The following TOP3A variants were observed in gnomAD, a reference collection of about 807,000 sequenced individuals.
TOP3A encodes the protein DNA topoisomerase 3-alpha.
TOP3A carries 64 observed loss-of-function variants against 111.3 expected under a neutral mutation model. The ratio of observed to expected loss-of-function variants is 0.57; its 90% CI spans 0.47 to 0.71. The LOEUF (loss-of-function observed/expected upper bound fraction) is 0.71. Among genes scored for constraint, TOP3A ranks in the 30% least tolerant of loss-of-function variants. The pLI, the probability that TOP3A is intolerant of heterozygous loss-of-function variation, is 0.00. For synonymous variants in TOP3A, 484 were observed against 485.1 expected (o/e 1.00, Z 0.03); for missense variants, 1,104 against 1,285.0 (o/e 0.86, Z 2.15).
chr17:18,309,280 C>T (rs962627698), intron 1 of TOP3A, among the ~76,000 whole-genome samples: 6 of 152,146 alleles, frequency 3.9e-5, no homozygotes, highest in Admixed American at 3.3e-4. Flanking sequence ...ATGTAAAATG[C>T]TTTGGCCACT....
In TOP3A at chr17:18,299,734, A is replaced by G. The variant is rs1597978942; in HGVS notation, c.916-101T>C. ...CCAATCCTTCTAGATCACACTGACC[A>G]CCGCCAGCTAAGCCCGCAGTGACAG... On this transcript the variant is annotated intron_variant, in intron 8 of 18. Coordinates refer to ENST00000321105, the MANE Select transcript of TOP3A (RefSeq NM_004618.5). 9.0e-6 allele frequency: 10 copies of G among 1,110,488 alleles called. No homozygotes were observed. The East Asian group carries it at 2.4e-4, about 27-fold the overall frequency. The allele number at this position is 1,110,488 out of a possible 1,614,324, so 68.8% of individuals were successfully genotyped here. A position where few individuals can be genotyped will look rare whatever the true frequency, so the allele number is the denominator to read the frequency against.
At position 18,274,900 on chromosome 17, in the gene TOP3A, TG is replaced by T; in HGVS notation, c.2907del (p.Ser970ValfsTer38). ...GCTGTGGACCCCATGTCTGAGGAAC[TG>T]GCCCGGGGCCTTTTGCTTCTGGCTT... is the stretch of plus-strand genomic sequence containing the variant. ...ESEARSKRPRASSSDMGSTAK... is the reference protein window; with the variant it reads ...ESEARSKRPRXSSSDMGSTAK... On this transcript the variant is annotated frameshift_variant, in exon 19 of 19. Transcript: ENST00000321105. LOFTEE classifies it high-confidence loss of function. 6.2e-7 allele frequency: 1 copy of T among 1,614,212 alleles called. No individual in the cohort carries two copies. The highest frequency in any genetic ancestry group is 8.5e-7 in the Non-Finnish European group (1 of 1,180,040).
chr17:18,278,177 C>T lies in TOP3A; in HGVS notation c.2325G>A (p.Met775Ile). The T allele has an allele frequency of 6.2e-7, 1 of 1,613,944 alleles. No homozygotes were observed. Among genetic ancestry groups the T allele is most frequent in the Non-Finnish European group, 8.5e-7 (1 of 1,179,880 alleles). The change falls in exon 18 of 19, where the codon ATG becomes ATA. Residue 775 changes from methionine to isoleucine, a missense_variant. By Grantham distance (10) the Met-to-Ile change is conservative. Transcript: ENST00000321105. ...CAGGCTGGGGGTGCTGGCTGTTGTC[C>T]ATCCTGTTCAGGGACTGGTTAGCCT... ...RLQANQSLNRMDNSQHPQPAD... is the reference protein window; with the variant it reads ...RLQANQSLNRIDNSQHPQPAD...
intron 13 of TOP3A, among the ~76,000 whole-genome samples, chr17:18,287,002 T>C (rs937271051): frequency 7.2e-5 from 11 of 152,140 alleles, no homozygotes; most frequent in African/African-American, 2.7e-4. Context: ...GAAGCTGGTC[T>C]CGAACTCCTG....
intron 4 of TOP3A, among the ~76,000 whole-genome samples, chr17:18,305,494 G>GCGCGCGCGCA (rs1567750663): frequency 8.5e-6 from 1 of 117,574 alleles, no homozygotes; most frequent in African/African-American, 3.7e-5. Context: ...ACACGCGCGC[G>GCGCGCGCGCA]CGCGCGCGCG....
Position 18,273,593 on chromosome 17 carries a change from A to G in TOP3A, c.*1209T>C, listed in dbSNP as rs563056569. ...TGCAAATGTTCCCCAGACCCTCTGCACTCTCGCAGGTCAGAGTAAAAAAAG... is the reference window on the plus strand; with the variant it reads ...TGCAAATGTTCCCCAGACCCTCTGCGCTCTCGCAGGTCAGAGTAAAAAAAG... On this transcript the variant is annotated 3_prime_UTR_variant, in exon 19 of 19. Transcript: ENST00000321105. 6.6e-6 allele frequency among the ~76,000 whole-genome samples: 1 copy of G among 152,114 alleles called. No homozygotes were observed. The highest frequency in any genetic ancestry group is 2.4e-5 in the African/African-American group (1 of 41,494).
chr17:18,290,441 G>T, intron 13 of TOP3A, 116 bp downstream of exon 13: 1 of 1,191,298 alleles, frequency 8.4e-7, no homozygotes, highest in Non-Finnish European at 1.1e-6. Context: ...ACTATAAAAT[G>T]GGATAAAGAT....
intron 9 of TOP3A, among the ~76,000 whole-genome samples, chr17:18,295,192 G>A (rs1308856067): frequency 1.3e-5 from 2 of 151,770 alleles, no homozygotes; most frequent in South Asian, 2.1e-4. Flanking sequence ...TCGCCCTGTC[G>A]CCTAGGCTGG....
At chr17:18,297,782 C>T (rs1980923399) in intron 9 of TOP3A, among the ~76,000 whole-genome samples, 1 of 152,118 alleles carries the variant, frequency 6.6e-6, no homozygotes, top group South Asian at 2.1e-4. Flanking sequence ...ACAACCTTCA[C>T]CTCCCAGCAG....
rs1980019237 is a variant in TOP3A at position 18,285,304 on chromosome 17, T to C, written c.1715A>G (p.Tyr572Cys). The change falls in exon 15 of 19, where the codon TAT becomes TGT. Residue 572 changes from tyrosine to cysteine, a missense_variant. By Grantham distance (194) the Tyr-to-Cys change is radical (BLOSUM62 -2). Transcript: ENST00000321105. The stretch of plus-strand genomic sequence containing the variant: ...AGACATTTCATAGCCCATGGAATCA[T>C]AACCTGCAGGGAGAGAGTCGAGCTC... ...GHLGMGLVEG[Y>C]DSMGYEMSKP... 2 of 1,614,006 alleles carry C rather than the reference T, an allele frequency of 1.2e-6. No homozygotes were observed. The highest frequency in any genetic ancestry group is 1.7e-5 in the Admixed American group (1 of 59,998).
chr17:18,275,721 T>C (rs1979321807), intron 18 of TOP3A, among the ~76,000 whole-genome samples: 1 of 148,780 alleles, frequency 6.7e-6, no homozygotes, highest in African/African-American at 2.5e-5. Context: ...TGGTGCAATC[T>C]TGGCTCACTG....
At chr17:18,313,573 TAAA>T (rs35922012) in intron 1 of TOP3A, 68 of 127,776 alleles carry the variant, frequency 5.3e-4, no homozygotes, top group African/African-American at 1.6e-3. Context: ...CTGGATTGCT[TAAA>T]AAAAAAAAAA....
intron 11 of TOP3A, among the ~76,000 whole-genome samples, chr17:18,291,532 A>G (rs1345262861): frequency 3.3e-5 from 5 of 152,246 alleles, no homozygotes; most frequent in Admixed American, 2.6e-4. Context: ...CTTCAAAGGA[A>G]ATAACTGGAG....
At position 18,292,692 on chromosome 17, in the gene TOP3A, G is replaced by C; in HGVS notation, c.1234C>G (p.Gln412Glu). The C allele has an allele frequency of 6.3e-7, 1 of 1,596,334 alleles. No individual in the cohort carries two copies. Among genetic ancestry groups the C allele is most frequent in the Non-Finnish European group, 8.6e-7 (1 of 1,167,530 alleles). ...PTPRNGNKSD[Q>E]AHPPIHPTKY... Reference sequence around the variant, plus strand: ...GTGGGGTGAATGGGAGGGTGAGCTTGGTCAGACTTGTTCCCATTGCGTGGG... The same window carrying C: ...GTGGGGTGAATGGGAGGGTGAGCTTCGTCAGACTTGTTCCCATTGCGTGGG... The change falls in exon 11 of 19, where the codon CAA (glutamine) becomes GAA (glutamate). Residue 412 changes from glutamine (Q) to glutamate (E), a missense_variant. Transcript: ENST00000321105.
intron 18 of TOP3A, among the ~76,000 whole-genome samples, chr17:18,275,319 G>A (rs1227874521): frequency 3.2e-5 from 4 of 126,838 alleles, no homozygotes; most frequent in African/African-American, 1.2e-4. Flanking sequence ...AAAAAAAAGA[G>A]CAGCAGACGA....
At chr17:18,282,116 G>C (rs564175712) in intron 16 of TOP3A, among the ~76,000 whole-genome samples, 1 of 152,244 alleles carries the variant, frequency 6.6e-6, no homozygotes, top group Admixed American at 6.5e-5. Flanking sequence ...TGCCCACTCA[G>C]ATCTACTATA....
intron 1 of TOP3A, 44 bp downstream of exon 1, chr17:18,314,555 G>A: frequency 1.3e-6 from 2 of 1,560,602 alleles, no homozygotes; most frequent in Non-Finnish European, 1.7e-6. Context: ...CCGCTCGGTG[G>A]GCCTCCCTTA....
intron 3 of TOP3A, 59 bp downstream of exon 3, chr17:18,308,292 C>T (rs2142991260): frequency 2.0e-6 from 2 of 978,882 alleles, no homozygotes; most frequent in East Asian, 6.7e-5. Context: ...CTCAAAATTC[C>T]TGTGAAATTT....
chr17:18,283,014 G>A (rs1029025425), intron 15 of TOP3A, among the ~76,000 whole-genome samples, 173 bp from the exon 16 acceptor site: 1 of 152,212 alleles, frequency 6.6e-6, no homozygotes, highest in African/African-American at 2.4e-5. Flanking sequence ...CATGGGCCCT[G>A]GTGCCGAACC....
Sources: gnomAD v4.1 joint callset for allele counts (sites outside exome capture counted in the v4.1 genomes callset) on GRCh38, gnomAD v4.1.1 for gene constraint, MANE v1.5 for transcripts, NCBI Gene and HGNC (gene_info 2026-07-23, HGNC 2026-07-21) for gene names.